The following ABCA12 variants were observed in gnomAD, a reference collection of about 807,000 sequenced individuals.
ABCA12 encodes the protein ATP binding cassette subfamily A member 12.
Under a neutral mutation model 293.5 loss-of-function variants are expected in ABCA12, and 156 were observed. That is an observed-to-expected ratio of 0.53 (90% CI 0.47 to 0.61). The LOEUF (loss-of-function observed/expected upper bound fraction) is 0.61, where lower values mean the gene tolerates loss of function less well. Among genes scored for constraint, ABCA12 ranks in the 20% least tolerant of loss-of-function variants. The pLI is 0.00. For missense variants in ABCA12, 2,797 were observed against 3,090.2 expected (o/e 0.91, Z 2.25); for synonymous variants, 1,063 against 1,108.0 (o/e 0.96, Z 0.81).
chr2:215,053,647 T>G (rs1701362218), intron 4 of ABCA12, among the ~76,000 whole-genome samples: 1 of 152,068 alleles, frequency 6.6e-6, no homozygotes, highest in African/African-American at 2.4e-5. Flanking sequence ...TTTTTTTACT[T>G]GCTCCATCAA....
intron 2 of ABCA12, among the ~76,000 whole-genome samples, chr2:215,083,291 C>T (rs562070406): frequency 3.9e-5 from 6 of 152,200 alleles, no homozygotes; most frequent in South Asian, 4.1e-4. Flanking sequence ...TTTGTGGTAA[C>T]GGATAGTGGA....
chr2:214,983,895 T>A, intron 28 of ABCA12, 30 bp from the exon 29 acceptor site: 1 of 1,596,058 alleles, frequency 6.3e-7, no homozygotes, highest in Non-Finnish European at 8.6e-7. Flanking sequence ...AAATTAGGTA[T>A]AAGCCAAGCA....
Position 215,100,006 on chromosome 2 carries a change from C to G in ABCA12, c.163+11591G>C, listed in dbSNP as rs1370663953. Among the ~76,000 whole-genome samples, 8 of 141,348 alleles carry G rather than the reference C, an allele frequency of 5.7e-5. No homozygotes were observed. In the Admixed American group the frequency reaches 6.0e-4, roughly 11 times the overall value. The allele number at this position is 141,348 out of a possible 152,430, so 92.7% of individuals were successfully genotyped here. A position where few individuals can be genotyped will look rare whatever the true frequency, so the allele number is the denominator to read the frequency against. On this transcript the variant is annotated intron_variant, in intron 2 of 52. Transcript: ENST00000272895. ...CCTACATGATGAAATTGATCTCTCT[C>G]TCTCTCTCTCTTTTTTTTTTTTTAA... is the stretch of plus-strand genomic sequence containing the variant.
At chr2:214,982,491 C>T (rs957172064) in intron 29 of ABCA12, 108 bp from the exon 30 acceptor site, 105 of 846,254 alleles carry the variant, frequency 1.2e-4, no homozygotes, top group Non-Finnish European at 1.7e-4. Flanking sequence ...CTATTATGTG[C>T]TCAGTAAGGT....
chr2:215,096,438 T>G (rs1252328200), intron 2 of ABCA12, among the ~76,000 whole-genome samples: 1 of 152,188 alleles, frequency 6.6e-6, no homozygotes, highest in Admixed American at 6.5e-5. Flanking sequence ...TCACAGTAAT[T>G]AATCTCTCAG....
chr2:215,025,611 G>T (rs201931176), intron 11 of ABCA12, 62 bp downstream of exon 11: 156 of 1,091,534 alleles, frequency 1.4e-4, no homozygotes, highest in South Asian at 3.2e-4. Flanking sequence ...TTTTTTTTTT[G>T]TTTGTTTTGT....
At chr2:215,070,541 C>T (rs1170663040) in intron 2 of ABCA12, among the ~76,000 whole-genome samples, 14 of 112,722 alleles carry the variant, frequency 1.2e-4, no homozygotes, top group Non-Finnish European at 1.9e-4. Context: ...CCCCTCCCCC[C>T]ACCCCACAAC....
chr2:214,942,498 G>A (rs939256732), intron 50 of ABCA12, among the ~76,000 whole-genome samples: 5 of 152,112 alleles, frequency 3.3e-5, no homozygotes, highest in African/African-American at 9.7e-5. Context: ...TGGTATGAAT[G>A]TTAGATAGCT....
At chr2:215,075,558 A>C in intron 2 of ABCA12, 1 of 699,106 alleles carries the variant, frequency 1.4e-6, no homozygotes. Flanking sequence ...TCATTTATGC[A>C]GGAAAAAAAA....
intron 4 of ABCA12, among the ~76,000 whole-genome samples, chr2:215,054,207 T>C (rs1701375571): frequency 6.6e-6 from 1 of 152,024 alleles, no homozygotes; most frequent in South Asian, 2.1e-4. Flanking sequence ...AAATGGAAAA[T>C]CTGGACAAAC....
chr2:215,086,793 A>C (rs1196585104), intron 2 of ABCA12, among the ~76,000 whole-genome samples: 1 of 152,146 alleles, frequency 6.6e-6, no homozygotes. Context: ...GCTTTTGTGC[A>C]TGCTTGCAAA....
chr2:215,085,598 A>T (rs1174317608), intron 2 of ABCA12: 1 of 152,188 alleles, frequency 6.6e-6, no homozygotes, highest in Non-Finnish European at 1.5e-5. Flanking sequence ...ACCTGGCCTA[A>T]AGTAATTTGC....
intron 2 of ABCA12, among the ~76,000 whole-genome samples, chr2:215,093,122 A>C (rs1702181314): frequency 6.6e-6 from 1 of 152,136 alleles, no homozygotes; most frequent in Admixed American, 6.5e-5. Context: ...CTATTCTCAA[A>C]GGGATATCGC....
chr2:214,980,541 G>C lies in ABCA12; in HGVS notation c.4682C>G (p.Pro1561Arg). The change falls in exon 31 of 53, where the codon CCA becomes CGA. Residue 1561 changes from proline (P) to arginine (R), a missense_variant. Pro to Arg is a moderately radical substitution (Grantham distance 103). Transcript: ENST00000272895. The part of the protein sequence containing the change: ...EQGGLRCCGS[P>R]FYLKEAFGDG... ...GCCAAAGGCTTCCTTGAGGTAAAAT[G>C]GGGACCCACAGCACCTAAGCCCACC... The C allele has an allele frequency of 6.2e-7, 1 of 1,613,972 alleles. No homozygotes were observed. The highest frequency in any genetic ancestry group is 1.3e-5 in the African/African-American group (1 of 75,002).
intron 43 of ABCA12, among the ~76,000 whole-genome samples, chr2:214,954,526 G>T (rs981143213): frequency 1.3e-5 from 2 of 152,096 alleles, no homozygotes; most frequent in East Asian, 3.9e-4. Context: ...CTGAAATGAG[G>T]TAGAAGAAGA....
chr2:214,997,102 A>G (rs535049883), intron 23 of ABCA12, among the ~76,000 whole-genome samples: 1 of 152,208 alleles, frequency 6.6e-6, no homozygotes. Context: ...GAGGTCATGC[A>G]TCACACTCCT....
chr2:215,023,338 G>T (rs1700672023), intron 11 of ABCA12: 1 of 152,114 alleles, frequency 6.6e-6, no homozygotes, highest in African/African-American at 2.4e-5. Flanking sequence ...GACTGAATGG[G>T]TCCCGTCAAT....
chr2:214,976,980 C>G (rs1229924750), intron 33 of ABCA12, among the ~76,000 whole-genome samples: 1 of 152,154 alleles, frequency 6.6e-6, no homozygotes, highest in East Asian at 1.9e-4. Context: ...AGAAATTATG[C>G]AGCACAAAAA....
At chr2:215,086,595 G>A (rs953618894) in intron 2 of ABCA12, among the ~76,000 whole-genome samples, 16 of 152,130 alleles carry the variant, frequency 1.1e-4, no homozygotes, top group African/African-American at 3.6e-4. Flanking sequence ...ATACCATCCT[G>A]AGCCTAGAAG....
Sources: gnomAD v4.1 joint callset for allele counts (sites outside exome capture counted in the v4.1 genomes callset) on GRCh38, gnomAD v4.1.1 for gene constraint, MANE v1.5 for transcripts, NCBI Gene and HGNC (gene_info 2026-07-23, HGNC 2026-07-21) for gene names.